AMBRA1: variants seen among roughly 807,000 people sequenced by gnomAD.
AMBRA1 encodes the protein autophagy and beclin 1 regulator 1, also known as activating molecule in BECN1-regulated autophagy protein 1.
AMBRA1 carries 47 observed loss-of-function variants against 125.4 expected under a neutral mutation model. The ratio of observed to expected loss-of-function variants is 0.37; its 90% CI spans 0.30 to 0.48. The LOEUF is 0.48. Ranked by LOEUF, AMBRA1 falls within the 20% of genes least tolerant of loss-of-function variation. The probability of loss-of-function intolerance (pLI) is 0.99; values close to 1 mark genes in which losing one functional copy is unlikely to be tolerated. For missense variants in AMBRA1, 1,331 were observed against 1,693.4 expected (o/e 0.79, Z 3.76); for synonymous variants, 626 against 655.5 (o/e 0.95, Z 0.69).
intron 12 of AMBRA1, among the ~76,000 whole-genome samples, chr11:46,438,511 G>A (rs1298313731): frequency 1.3e-5 from 2 of 152,240 alleles, no homozygotes; most frequent in Non-Finnish European, 2.9e-5. Context: ...CAGTTGCAGT[G>A]CCTTTGCAAA....
chr11:46,448,737 T>C (rs1224495147), intron 11 of AMBRA1, among the ~76,000 whole-genome samples: 1 of 151,858 alleles, frequency 6.6e-6, no homozygotes, highest in African/African-American at 2.4e-5. Context: ...TACAAATTAC[T>C]AATACCAGAA....
Position 46,560,155 on chromosome 11 carries a change from C to T in AMBRA1, c.-120-11655G>A, listed in dbSNP as rs148009412. 1.4e-4 allele frequency among the ~76,000 whole-genome samples: 21 copies of T among 152,306 alleles called. No individual in the cohort carries two copies. In the East Asian group the frequency reaches 4.0e-3, roughly 29 times the overall value. ...AAGATCAATCAATTAAAATTATACA[C>T]AGTCCCTTTCTTTATAAGAAGCCAA... is the stretch of plus-strand genomic sequence containing the variant. On this transcript the variant is annotated intron_variant, in intron 1 of 17. Coordinates refer to ENST00000683756, the MANE Select transcript of AMBRA1 (RefSeq NM_001387011.1).
chr11:46,413,163 C>T (rs191966642), intron 15 of AMBRA1, among the ~76,000 whole-genome samples: 4 of 152,342 alleles, frequency 2.6e-5, no homozygotes, highest in African/African-American at 7.2e-5. Flanking sequence ...AAAAGGTCCC[C>T]TCGAATGCTT....
intron 11 of AMBRA1, among the ~76,000 whole-genome samples, chr11:46,466,874 C>T (rs1949348997): frequency 6.6e-6 from 1 of 151,750 alleles, no homozygotes; most frequent in South Asian, 2.1e-4. Context: ...GATAATTAAC[C>T]ATCATATTTC....
chr11:46,435,887 G>C (rs773693636), intron 12 of AMBRA1, among the ~76,000 whole-genome samples: 1 of 152,156 alleles, frequency 6.6e-6, no homozygotes, highest in African/African-American at 2.4e-5. Flanking sequence ...GCCTTGTTTC[G>C]GTTTTCATTT....
intron 1 of AMBRA1, among the ~76,000 whole-genome samples, chr11:46,579,913 A>C (rs1382160393): frequency 6.6e-6 from 1 of 152,134 alleles, no homozygotes; most frequent in Non-Finnish European, 1.5e-5. Flanking sequence ...GGGTTTTGCC[A>C]TGTTGGCCAG....
At chr11:46,430,330 A>G (rs1357861475) in intron 14 of AMBRA1, among the ~76,000 whole-genome samples, 2 of 152,202 alleles carry the variant, frequency 1.3e-5, no homozygotes, top group Non-Finnish European at 2.9e-5. Flanking sequence ...CCACAATGGC[A>G]AGTAGACCTG....
At chr11:46,546,653 G>T (rs751612508) in intron 4 of AMBRA1, among the ~76,000 whole-genome samples, 11 of 151,922 alleles carry the variant, frequency 7.2e-5, no homozygotes, top group Non-Finnish European at 1.3e-4. Context: ...GGAAGACAGG[G>T]AATTAGACTT....
chr11:46,580,470 C>T (rs1420214850), intron 1 of AMBRA1, among the ~76,000 whole-genome samples: 1 of 152,156 alleles, frequency 6.6e-6, no homozygotes, highest in Non-Finnish European at 1.5e-5. Flanking sequence ...ATTCCACTCC[C>T]CAACTCTAAT....
At chr11:46,428,807 G>A (rs865969316) in intron 14 of AMBRA1, 7 of 1,610,986 alleles carry the variant, frequency 4.3e-6, no homozygotes, top group Middle Eastern at 2.1e-4. Context: ...TGTGAGTCTC[G>A]CAGGTCGCTC....
intron 1 of AMBRA1, among the ~76,000 whole-genome samples, chr11:46,577,083 T>C (rs1308134170): frequency 6.6e-6 from 1 of 152,226 alleles, no homozygotes; most frequent in East Asian, 1.9e-4. Context: ...ATCATTAATA[T>C]ATTATCATAG....
chr11:46,456,917 C>T (rs959157755), intron 11 of AMBRA1, among the ~76,000 whole-genome samples: 1 of 152,190 alleles, frequency 6.6e-6, no homozygotes, highest in African/African-American at 2.4e-5. Flanking sequence ...TCTTCCGCCC[C>T]CACTCAGCAC....
chr11:46,548,077 T>A (rs768029199), intron 2 of AMBRA1, among the ~76,000 whole-genome samples, 169 bp downstream of exon 2: 1 of 152,148 alleles, frequency 6.6e-6, no homozygotes, highest in Admixed American at 6.5e-5. Context: ...GAAAAAGATA[T>A]TTCTAGCACA....
intron 17 of AMBRA1, among the ~76,000 whole-genome samples, chr11:46,403,757 T>A (rs1403539360): frequency 6.6e-6 from 1 of 152,100 alleles, no homozygotes; most frequent in East Asian, 1.9e-4. Flanking sequence ...AAGAGCTGAA[T>A]GGATTTCAAC....
At chr11:46,567,427 C>T (rs1051192409) in intron 1 of AMBRA1, among the ~76,000 whole-genome samples, 5 of 151,784 alleles carry the variant, frequency 3.3e-5, no homozygotes, top group East Asian at 3.9e-4. Flanking sequence ...AGTGCAGTGG[C>T]GCCATCTTGG....
chr11:46,411,220 G>C (rs1424447867), intron 15 of AMBRA1, among the ~76,000 whole-genome samples: 2 of 151,948 alleles, frequency 1.3e-5, no homozygotes, highest in Non-Finnish European at 2.9e-5. Context: ...CCAAAAGTCA[G>C]CTATTTAACC....
At chr11:46,522,502 A>G (rs1951805791) in intron 7 of AMBRA1, among the ~76,000 whole-genome samples, 1 of 152,176 alleles carries the variant, frequency 6.6e-6, no homozygotes, top group South Asian at 2.1e-4. Flanking sequence ...CCAGAGGATG[A>G]GTAAGACCAA....
intron 11 of AMBRA1, among the ~76,000 whole-genome samples, chr11:46,457,625 G>T (rs544596790): frequency 6.6e-6 from 1 of 152,304 alleles, no homozygotes; most frequent in East Asian, 1.9e-4. Context: ...GCTGGGCCAG[G>T]CGCAGTGGCT....
intron 11 of AMBRA1, among the ~76,000 whole-genome samples, chr11:46,477,497 T>A: frequency 7.1e-6 from 1 of 141,026 alleles, no homozygotes; most frequent in African/African-American, 2.6e-5. Flanking sequence ...AGCTAATTTC[T>A]GGAAAAAAAA....
Sources: allele counts gnomAD v4.1 joint callset (sites outside exome capture counted in the v4.1 genomes callset), GRCh38; gene constraint gnomAD v4.1.1; transcripts MANE v1.5; gene names NCBI Gene and HGNC (gene_info 2026-07-23, HGNC 2026-07-21).